Variants in SCUBE1 observed in about 807,000 individuals in gnomAD.
SCUBE1 encodes signal peptide, CUB and EGF-like domain-containing protein 1.
SCUBE1 carries 59 observed loss-of-function variants against 124.4 expected under a neutral mutation model. The observed-to-expected ratio is 0.47, with a 90% CI of 0.38 to 0.59. The LOEUF is 0.59. SCUBE1 is among the 20% of genes least tolerant of loss of function. The pLI is 0.00. For synonymous variants in SCUBE1, 545 were observed against 550.9 expected (o/e 0.99, Z 0.15); for missense variants, 1,150 against 1,371.2 (o/e 0.84, Z 2.55).
rs570755495 is a variant in SCUBE1 at position 43,203,285 on chromosome 22, T to C, written c.*712A>G. On this transcript the variant is annotated 3_prime_UTR_variant, in exon 22 of 22. Coordinates refer to ENST00000360835, the MANE Select transcript of SCUBE1 (RefSeq NM_173050.5). Reference sequence around the variant, plus strand: ...TAGCTGCTGGGACTCACTGGGCTCATGCGGGAAGGGATGGGGTCACAATTC... The same window carrying C: ...TAGCTGCTGGGACTCACTGGGCTCACGCGGGAAGGGATGGGGTCACAATTC... 2 of 151,874 alleles carry C rather than the reference T, an allele frequency of 1.3e-5. No individual in the cohort carries two copies. Among genetic ancestry groups the C allele is most frequent in the South Asian group, 2.1e-4 (1 of 4,810 alleles). 9.4% of individuals were successfully genotyped at this position (151,874 alleles called of 1,614,324 possible).
At position 43,234,526 on chromosome 22, in the gene SCUBE1, G is replaced by C. The variant is rs1448510134; in HGVS notation, c.845-2651C>G. ...CATAGCAACCAGACAGGCAGAGGGA[G>C]GCATGTCTGCCTGAGGCCCGGGCTG... On this transcript the variant is annotated intron_variant, in intron 7 of 21. Transcript: ENST00000360835. The surrounding 1 kb of genome is among the most constrained non-coding windows in gnomAD (Gnocchi z 4.4). Among the ~76,000 whole-genome samples, 1 of 152,204 alleles carries C rather than the reference G, an allele frequency of 6.6e-6. No homozygotes were observed. The highest frequency in any genetic ancestry group is 2.4e-5 in the African/African-American group (1 of 41,466).
intron 15 of SCUBE1, 92 bp from the exon 16 acceptor site, chr22:43,214,343 C>G (rs1156297224): frequency 1.5e-6 from 2 of 1,336,256 alleles, no homozygotes; most frequent in Non-Finnish European, 2.0e-6. Flanking sequence ...TCCTGATAGA[C>G]ACAGTCCTTG....
At chr22:43,227,339 A>G in intron 10 of SCUBE1, 35 bp downstream of exon 10, 1 of 1,593,664 alleles carries the variant, frequency 6.3e-7, no homozygotes, top group East Asian at 2.3e-5. Context: ...GCCCAGGTGC[A>G]GGGGAGGGGC....
At chr22:43,288,350 T>A (rs990243921) in intron 4 of SCUBE1, among the ~76,000 whole-genome samples, 1 of 152,100 alleles carries the variant, frequency 6.6e-6, no homozygotes, top group African/African-American at 2.4e-5. Context: ...GCTGGCGTTC[T>A]CCCAGATGGC....
At chr22:43,275,865 G>T (rs1924489348) in intron 4 of SCUBE1, 1 of 152,546 alleles carries the variant, frequency 6.6e-6, no homozygotes, top group South Asian at 2.1e-4. Flanking sequence ...TGACAATGGA[G>T]GAACTCGGAG....
chr22:43,306,293 CTTAT>C (rs932222924), intron 3 of SCUBE1, among the ~76,000 whole-genome samples: 3 of 152,160 alleles, frequency 2.0e-5, no homozygotes, highest in Middle Eastern at 3.2e-3. Context: ...TCACAAGACA[CTTAT>C]TTATTTATTT....
rs989163425 is a variant in SCUBE1, at chr22:43,216,592, C to G, written c.1891+1663G>C. Among the ~76,000 whole-genome samples, 2 of 151,956 alleles carry G rather than the reference C, an allele frequency of 1.3e-5. 1 individual carries two copies. Among genetic ancestry groups the G allele is most frequent in the Non-Finnish European group, 2.9e-5 (2 of 67,996 alleles). ...AGGTTGAACCTGGGAGGCAGAGTTG[C>G]GGTGAGCTGAGATTACACCATTGCA... On this transcript the variant is annotated intron_variant, in intron 15 of 21. Transcript: ENST00000360835.
At position 43,334,916 on chromosome 22, in the gene SCUBE1, G is replaced by A. The variant is rs868671492; in HGVS notation, c.220+4188C>T. Among the ~76,000 whole-genome samples, 7 of 152,088 alleles carry A rather than the reference G, an allele frequency of 4.6e-5. No homozygotes were observed. In the South Asian group the frequency reaches 6.2e-4, roughly 14 times the overall value. On this transcript the variant is annotated intron_variant, in intron 2 of 21. Transcript: ENST00000360835. ...GTTAAATGACTTGCCCAGGCTACAC[G>A]GGCAGGATTTGAACCCAAGCCATCT... is the stretch of plus-strand genomic sequence containing the variant.
intron 3 of SCUBE1, 92 bp downstream of exon 3, chr22:43,319,845 G>T: frequency 1.3e-6 from 2 of 1,492,984 alleles, no homozygotes; most frequent in Non-Finnish European, 1.8e-6. Flanking sequence ...GCCAAAGGAA[G>T]GAGAACCTTC....
At chr22:43,215,021 ACAT>A (rs1424953714) in intron 15 of SCUBE1, among the ~76,000 whole-genome samples, 3 of 152,196 alleles carry the variant, frequency 2.0e-5, no homozygotes, top group Admixed American at 6.5e-5. Flanking sequence ...ACGTGTATAC[ACAT>A]CTATGCTTTC....
intron 6 of SCUBE1, among the ~76,000 whole-genome samples, chr22:43,250,676 G>A (rs1454701284): frequency 6.6e-6 from 1 of 152,150 alleles, no homozygotes; most frequent in East Asian, 1.9e-4. Context: ...TCTCAGGGTG[G>A]CTGTGAGGTT....
chr22:43,262,222 G>A (rs968626308), intron 5 of SCUBE1, among the ~76,000 whole-genome samples: 4 of 152,170 alleles, frequency 2.6e-5, no homozygotes, highest in Non-Finnish European at 5.9e-5. Context: ...ACTCAAAGTC[G>A]GGCTAGAGTG....
intron 21 of SCUBE1, among the ~76,000 whole-genome samples, chr22:43,204,423 C>T (rs57596119): frequency 2.6e-5 from 4 of 151,834 alleles, no homozygotes; most frequent in African/African-American, 7.3e-5. Context: ...CTCAGCCTCT[C>T]GAGTAGCTGG....
chr22:43,325,701 C>T (rs1452562140), intron 2 of SCUBE1, among the ~76,000 whole-genome samples: 1 of 151,954 alleles, frequency 6.6e-6, no homozygotes, highest in Non-Finnish European at 1.5e-5. Flanking sequence ...CTGTTCCTTC[C>T]CCTGCTTGGA....
intron 4 of SCUBE1, among the ~76,000 whole-genome samples, chr22:43,274,241 TA>T (rs1387108504): frequency 3.3e-5 from 5 of 152,160 alleles, no homozygotes; most frequent in African/African-American, 1.2e-4. Context: ...GTTTAGCAAA[TA>T]AAAATACAGG....
In SCUBE1 at chr22:43,211,175, C is replaced by T. The variant is rs575502310; in HGVS notation, c.2222-92G>A. ...CTGTCCCCAGGACCTCTCATGCCCT[C>T]GAGGTCTGTTTTGGCACAGAGTTCA... On this transcript the variant is annotated intron_variant, in intron 17 of 21. Transcript: ENST00000360835. This position sits in a 1 kb window ranked among gnomAD's most constrained non-coding sequence, Gnocchi z 4.5. 1,145 of 1,353,980 alleles carry T rather than the reference C, an allele frequency of 8.5e-4. 25 individuals are homozygous for T. The South Asian group carries it at 0.012, about 15-fold the overall frequency. The allele number at this position is 1,353,980 out of a possible 1,614,324, so 83.9% of individuals were successfully genotyped here.
chr22:43,317,437 T>C (rs1422184995), intron 3 of SCUBE1, among the ~76,000 whole-genome samples: 1 of 152,204 alleles, frequency 6.6e-6, no homozygotes, highest in Non-Finnish European at 1.5e-5. Context: ...GCCGAGCCTT[T>C]TTCTCGGCCA....
At chr22:43,206,187 C>G (rs1023187669) in intron 21 of SCUBE1, among the ~76,000 whole-genome samples, 1 of 145,084 alleles carries the variant, frequency 6.9e-6, no homozygotes. Flanking sequence ...CCACCACACC[C>G]CCACTCACTA....
rs550857425 is a variant in SCUBE1 at position 43,293,194 on chromosome 22, C to T, written c.350-2014G>A. ...CCATGAAAAGCACCAAGCCAGGCCC[C>T]GTGTCCTACTCATCCTGCTAACAAC... On this transcript the variant is annotated intron_variant, in intron 3 of 21. Coordinates refer to ENST00000360835, the MANE Select transcript of SCUBE1 (RefSeq NM_173050.5). Among the ~76,000 whole-genome samples the T allele has an allele frequency of 3.7e-4, 56 of 152,356 alleles. 1 individual carries two copies. The South Asian group carries it at 0.011, about 29-fold the overall frequency.
Sources: allele counts gnomAD v4.1 joint callset (sites outside exome capture counted in the v4.1 genomes callset), GRCh38; gene constraint gnomAD v4.1.1; non-coding constraint Gnocchi (gnomAD v3.1); transcripts MANE v1.5; gene names NCBI Gene and HGNC (gene_info 2026-07-23, HGNC 2026-07-21).